RIMKLB: variants seen among roughly 807,000 people sequenced by gnomAD.
RIMKLB encodes the protein beta-citrylglutamate synthase B.
A neutral mutation model predicts 32.0 loss-of-function variants in RIMKLB; 7 were observed. The ratio of observed to expected loss-of-function variants is 0.22; its 90% confidence interval spans 0.12 to 0.41. The LOEUF (loss-of-function observed/expected upper bound fraction) is 0.41. RIMKLB is among the 10% of genes least tolerant of loss of function. The pLI is 1.00. For missense variants in RIMKLB, 289 were observed against 498.7 expected, an observed-to-expected ratio of 0.58 and a Z score of 4.00; for synonymous variants, 172 against 185.1, an observed-to-expected ratio of 0.93 and a Z score of 0.57.
At chr12:8,773,050 G>GA (rs1950531595) in intron 5 of RIMKLB, among the ~76,000 whole-genome samples, 1 of 151,516 alleles carries the variant, frequency 6.6e-6, no homozygotes, top group Admixed American at 6.5e-5. Context: ...TATTTATGCT[G>GA]AACTTCCTTA....
intron 2 of RIMKLB, among the ~76,000 whole-genome samples, chr12:8,737,457 A>G (rs760911412): frequency 6.6e-6 from 1 of 152,226 alleles, no homozygotes; most frequent in African/African-American, 2.4e-5. Flanking sequence ...TTTTCTCAAC[A>G]TTTGATTACT....
chr12:8,694,396 CT>C (rs34896689), upstream of RIMKLB, among the ~76,000 whole-genome samples: 4,146 of 122,230 alleles, frequency 0.034, 50 homozygotes, highest in Non-Finnish European at 0.04. Context: ...AATTTTTTTT[CT>C]TTTTTTTTTT....
chr12:8,748,073 A>G (rs1948264019), intron 2 of RIMKLB, among the ~76,000 whole-genome samples: 1 of 152,190 alleles, frequency 6.6e-6, no homozygotes, highest in Admixed American at 6.6e-5. Context: ...AAGTGATTAT[A>G]TATCTATATA....
chr12:8,777,223 T>TC (rs1950783580), downstream of RIMKLB: 2 of 963,124 alleles, frequency 2.1e-6, no homozygotes, highest in African/African-American at 1.8e-5. Flanking sequence ...TTCTTTTTTT[T>TC]TTTTTTTTTT....
At chr12:8,760,118 C>T (rs757874623) in intron 5 of RIMKLB, among the ~76,000 whole-genome samples, 12 of 152,232 alleles carry the variant, frequency 7.9e-5, no homozygotes, top group African/African-American at 2.9e-4. Flanking sequence ...CAACAGGCCC[C>T]CGTGTGTGAT....
chr12:8,773,570 T>A lies in RIMKLB; in HGVS notation c.947T>A (p.Met316Lys), dbSNP rs1258835058. 1.2e-6 allele frequency: 2 copies of A among 1,614,262 alleles called. No homozygotes were observed. Among genetic ancestry groups the A allele is most frequent in the Non-Finnish European group, 1.7e-6 (2 of 1,180,044 alleles). The change falls in exon 6 of 6, where the codon ATG (methionine) becomes AAG (lysine). Residue 316 changes from methionine (M) to lysine (K), a missense_variant. Around this residue, in one of 3 missense-constraint regions of RIMKLB, gnomAD observed 99 missense variants for 133.9 expected, o/e 0.74. Coordinates refer to ENST00000535829, the MANE Select transcript of RIMKLB (RefSeq NM_001297776.2). The stretch of plus-strand genomic sequence containing the variant: ...CCCTCTGGCCGGCTCACCCGGCGTA[T>A]GTCCCTGCTCTCCGTGGTGTCCACT... ...LLPSGRLTRR[M>K]SLLSVVSTAS...
intron 1 of RIMKLB, among the ~76,000 whole-genome samples, chr12:8,710,371 G>A (rs1296901745): frequency 1.4e-5 from 2 of 144,594 alleles, no homozygotes; most frequent in Non-Finnish European, 3.0e-5. Flanking sequence ...GCAGTGGCAC[G>A]ATCTCCACTC....
rs750408608 is a variant in RIMKLB, at chr12:8,713,851, G to A, written c.-16G>A. On this transcript the variant is annotated 5_prime_UTR_variant, in exon 2 of 6. Transcript: ENST00000535829. ...AAGAGGAAATAATCCAGGCAAGGAA[G>A]CACAAGCTGATCAAGATGTGTAGTT... 19 of 1,613,850 alleles carry A rather than the reference G, an allele frequency of 1.2e-5. No homozygotes were observed. The Admixed American group carries it at 2.8e-4, about 24-fold the overall frequency.
chr12:8,718,412 G>A (rs866223947), intron 2 of RIMKLB, among the ~76,000 whole-genome samples: 5 of 152,184 alleles, frequency 3.3e-5, no homozygotes, highest in South Asian at 4.1e-4. Context: ...TTGGGAATCC[G>A]AGGCCGGCAG....
chr12:8,777,232 TTTTTTTTTCTTC>T (rs1457719411), downstream of RIMKLB: 3 of 972,732 alleles, frequency 3.1e-6, no homozygotes, highest in African/African-American at 5.3e-5. Flanking sequence ...TTTTTTTTTT[TTTTTTTTTCTTC>T]TTAAAAAAAC....
chr12:8,758,538 C>A (rs1334724887), intron 5 of RIMKLB, among the ~76,000 whole-genome samples: 1 of 152,038 alleles, frequency 6.6e-6, no homozygotes, highest in African/African-American at 2.4e-5. Context: ...TTTTGATGGA[C>A]AAAAATTGTC....
At chr12:8,752,782 C>CCAGGCTGGAGTGCAGTGG (rs1948727275) in intron 4 of RIMKLB, among the ~76,000 whole-genome samples, 1 of 151,184 alleles carries the variant, frequency 6.6e-6, no homozygotes, top group African/African-American at 2.4e-5. Flanking sequence ...CTCTTGTTGC[C>CCAGGCTGGAGTGCAGTGG]CAGGCTGGAG....
chr12:8,717,838 C>G (rs1321517035), intron 2 of RIMKLB, among the ~76,000 whole-genome samples: 9 of 152,250 alleles, frequency 5.9e-5, no homozygotes, highest in African/African-American at 2.2e-4. Flanking sequence ...TTTTTATTGC[C>G]TAATCCTCCA....
rs1950632704 is a variant in RIMKLB at position 8,774,828 on chromosome 12, T to C, written c.*1044T>C. 1.0e-6 allele frequency: 1 copy of C among 985,512 alleles called. No homozygotes were observed. The highest frequency in any genetic ancestry group is 1.2e-6 in the Non-Finnish European group (1 of 829,916). 61.0% of individuals were successfully genotyped at this position (985,512 alleles called of 1,614,324 possible). ...AGTATAAAGCTGAAGTGATTTCGAATGCCAGCGTTATATATTTGCATTTTT... is the reference window on the plus strand; with the variant it reads ...AGTATAAAGCTGAAGTGATTTCGAACGCCAGCGTTATATATTTGCATTTTT... On this transcript the variant is annotated 3_prime_UTR_variant, in exon 6 of 6. Transcript: ENST00000535829.
the RIMKLB span, among the ~76,000 whole-genome samples, chr12:8,672,858 G>T: frequency 4.6e-5 from 7 of 152,166 alleles, no homozygotes; most frequent in Non-Finnish European, 1.0e-4. Context: ...AGCAGATGCC[G>T]CTATGCTTCC....
chr12:8,716,075 A>G (rs1319423600), intron 2 of RIMKLB, among the ~76,000 whole-genome samples: 2 of 152,226 alleles, frequency 1.3e-5, no homozygotes, highest in Non-Finnish European at 2.9e-5. Context: ...TAGTTCACTC[A>G]ACACTACTCC....
chr12:8,762,324 A>AG (rs908610354), intron 5 of RIMKLB, among the ~76,000 whole-genome samples: 22 of 152,280 alleles, frequency 1.4e-4, no homozygotes, highest in African/African-American at 5.1e-4. Context: ...CATCCTCGTG[A>AG]GGTTCCCCAT....
At chr12:8,674,485 T>C in the RIMKLB span, among the ~76,000 whole-genome samples, 1 of 151,416 alleles carries the variant, frequency 6.6e-6, no homozygotes. Flanking sequence ...GTGATCCGCC[T>C]GCCTCGGCCT....
chr12:8,765,905 A>G (rs1565418889), intron 5 of RIMKLB, among the ~76,000 whole-genome samples: 1 of 152,112 alleles, frequency 6.6e-6, no homozygotes, highest in Non-Finnish European at 1.5e-5. Flanking sequence ...CTCTTTTTTT[A>G]TACAAAAGAG....
Sources: allele counts gnomAD v4.1 joint callset (sites outside exome capture counted in the v4.1 genomes callset), GRCh38; gene constraint gnomAD v4.1.1; regional missense constraint gnomAD v4.1.1; transcripts MANE v1.5; gene names NCBI Gene and HGNC (gene_info 2026-07-23, HGNC 2026-07-21).